Variants in ZNF577 observed in about 807,000 individuals in gnomAD.
The protein encoded by ZNF577 is zinc finger protein 577.
In ZNF577, 14 loss-of-function variants were observed where a neutral mutation model predicts 13.9. That is an observed-to-expected ratio of 1.00 (90% confidence interval 0.66 to 1.57). The LOEUF (loss-of-function observed/expected upper bound fraction) is 1.57. Ranked by LOEUF, ZNF577 falls within the 40% of genes most tolerant of loss-of-function variation. ZNF577 has a pLI of 0.00. For missense variants in ZNF577, 555 were observed against 579.2 expected (o/e 0.96, Z 0.43); for synonymous variants, 203 against 202.9 (o/e 1.00, Z 0.00).
At chr19:51,858,918 A>G (rs2084467285) in intron 5 of ZNF577, among the ~76,000 whole-genome samples, 1 of 152,222 alleles carries the variant, frequency 6.6e-6, no homozygotes, top group Non-Finnish European at 1.5e-5. Flanking sequence ...ATATTATGCA[A>G]CCACCATCTC....
intron 5 of ZNF577, among the ~76,000 whole-genome samples, chr19:51,875,148 G>A (rs888722609): frequency 6.6e-6 from 1 of 151,916 alleles, no homozygotes; most frequent in Non-Finnish European, 1.5e-5. Context: ...GTGGATGGGA[G>A]GAGTTCAAGA....
intron 10 of ZNF577, among the ~76,000 whole-genome samples, chr19:51,806,126 A>G (rs191525625): frequency 6.9e-4 from 105 of 152,336 alleles, no homozygotes; most frequent in Middle Eastern, 3.4e-3. Flanking sequence ...CAAATGTAAC[A>G]TTAAGACTGT....
Position 51,872,926 on chromosome 19 carries a change from G to A in ZNF577, c.1064C>T (p.Ser355Leu). The change falls in exon 6 of 6, where the codon TCA becomes TTA. Residue 355 changes from serine (S) to leucine (L), a missense_variant. By Grantham distance (145) the Ser-to-Leu change is moderately radical (BLOSUM62 -2). Transcript: ENST00000638348. ...AAAGGCTTTGCCACATTCTCTGCAT[G>A]AATATGGTCTCTCTCCAGTGTGAGT... ...QRTHTGERPY[S>L]CRECGKAFAH... The A allele has an allele frequency of 6.2e-7, 1 of 1,614,216 alleles. No individual in the cohort carries two copies. The highest frequency in any genetic ancestry group is 8.5e-7 in the Non-Finnish European group (1 of 1,180,040).
At chr19:51,875,523 T>C (rs1173778359) in intron 5 of ZNF577, among the ~76,000 whole-genome samples, 1 of 152,224 alleles carries the variant, frequency 6.6e-6, no homozygotes, top group African/African-American at 2.4e-5. Flanking sequence ...CTCATGTTAT[T>C]TGACATTATC....
chr19:51,851,143 G>C (rs7246230), intron 5 of ZNF577, among the ~76,000 whole-genome samples: 3,237 of 152,180 alleles, frequency 0.021, 107 homozygotes, highest in African/African-American at 0.074. Context: ...CAGAAATGAG[G>C]ATAAATATTT....
intron 1 of ZNF577, among the ~76,000 whole-genome samples, chr19:51,884,819 G>A (rs1048558632): frequency 2.0e-5 from 3 of 152,118 alleles, no homozygotes; most frequent in African/African-American, 7.2e-5. Context: ...TTTCCACTGT[G>A]ATTTTTTGAA....
At chr19:51,860,412 T>C (rs2122599589) in intron 5 of ZNF577, 1 of 152,558 alleles carries the variant, frequency 6.6e-6, no homozygotes, top group South Asian at 2.1e-4. Context: ...AGAATAGATA[T>C]GGCTCCATTA....
intron 1 of ZNF577, among the ~76,000 whole-genome samples, chr19:51,884,058 A>T (rs1189910033): frequency 6.6e-6 from 1 of 152,204 alleles, no homozygotes; most frequent in Non-Finnish European, 1.5e-5. Context: ...TCGGTGACAG[A>T]GTGAGAGTCC....
intron 5 of ZNF577, among the ~76,000 whole-genome samples, chr19:51,874,385 G>A (rs1452709747): frequency 1.3e-5 from 2 of 151,806 alleles, no homozygotes; most frequent in African/African-American, 4.8e-5. Context: ...CACATCATAG[G>A]GTAAGAAAAA....
intron 1 of ZNF577, chr19:51,885,969 T>G (rs1488743517): frequency 1.3e-5 from 2 of 152,228 alleles, no homozygotes; most frequent in Admixed American, 1.3e-4. Flanking sequence ...AGAAACGAGC[T>G]ACTGCTATAT....
rs1393692262 is a variant in ZNF577, at chr19:51,868,584, T to C, written c.*3948A>G. Among the ~76,000 whole-genome samples, 2 of 152,102 alleles carry C rather than the reference T, an allele frequency of 1.3e-5. No individual in the cohort carries two copies. Among genetic ancestry groups the C allele is most frequent in the Non-Finnish European group, 2.9e-5 (2 of 68,018 alleles). On this transcript the variant is annotated 3_prime_UTR_variant, in exon 6 of 6. Coordinates refer to ENST00000638348, the MANE Select transcript of ZNF577 (RefSeq NM_001370449.1). ...GCAGAACTGCCAGATGAGCTCAGAA[T>C]TAATATGCCCAAGGCCAATTCCCTC... is the stretch of plus-strand genomic sequence containing the variant.
chr19:51,823,116 A>G (rs763322445), intron 9 of ZNF577, among the ~76,000 whole-genome samples: 30 of 151,770 alleles, frequency 2.0e-4, no homozygotes, highest in Admixed American at 6.6e-4. Flanking sequence ...ACTCTCCTCA[A>G]CCTCCTAAAG....
At chr19:51,809,439 T>C (rs1229993174) in intron 10 of ZNF577, among the ~76,000 whole-genome samples, 1 of 152,222 alleles carries the variant, frequency 6.6e-6, no homozygotes, top group Non-Finnish European at 1.5e-5. Context: ...GGTAGGTCTA[T>C]TAGAGGCTAT....
intron 5 of ZNF577, chr19:51,860,491 TA>T (rs1156911894): frequency 2.0e-5 from 3 of 152,748 alleles, no homozygotes; most frequent in African/African-American, 4.8e-5. Context: ...ATAACTGAGT[TA>T]GGGGGCAATT....
intron 5 of ZNF577, among the ~76,000 whole-genome samples, chr19:51,856,346 TA>T (rs2084419560): frequency 6.6e-6 from 1 of 152,216 alleles, no homozygotes; most frequent in South Asian, 2.1e-4. Flanking sequence ...TGCACCAATT[TA>T]ATAATTGTGC....
rs2122632943 is a variant in ZNF577, at chr19:51,867,828, A to C, written c.*4704T>G. Among the ~76,000 whole-genome samples, 1 of 152,082 alleles carries C rather than the reference A, an allele frequency of 6.6e-6. No individual in the cohort carries two copies. The highest frequency in any genetic ancestry group is 2.4e-5 in the African/African-American group (1 of 41,498). On this transcript the variant is annotated 3_prime_UTR_variant, in exon 6 of 6. Transcript: ENST00000638348. The stretch of plus-strand genomic sequence containing the variant: ...AACAAGCAAACAAACAAAAAGAACA[A>C]AGCTAGGGTTGGAAAAAGCCCTCAG...
Position 51,845,816 on chromosome 19 carries a change from G to A in ZNF577, c.284-885C>T, listed in dbSNP as rs555028766. 3.9e-5 allele frequency among the ~76,000 whole-genome samples: 6 copies of A among 152,170 alleles called. No homozygotes were observed. In the South Asian group the frequency reaches 1.2e-3, roughly 32 times the overall value. On this transcript the variant is annotated intron_variant and NMD_transcript_variant, in intron 5 of 10. Coordinates refer to the ZNF577 transcript ENST00000638827. Reference sequence around the variant, plus strand: ...AAGTGACAGGATTTCCTTCTTTTTTGTGGCTCAAGAGTATTCCATTGTGTA... The same window carrying A: ...AAGTGACAGGATTTCCTTCTTTTTTATGGCTCAAGAGTATTCCATTGTGTA...
chr19:51,812,605 A>G (rs1226108164), intron 9 of ZNF577, among the ~76,000 whole-genome samples: 3 of 152,178 alleles, frequency 2.0e-5, no homozygotes, highest in Non-Finnish European at 4.4e-5. Context: ...ACACCTTTCC[A>G]GGCTACCTAG....
chr19:51,877,492 T>C (rs950514378), intron 4 of ZNF577, 115 bp from the exon 5 acceptor site: 2 of 813,142 alleles, frequency 2.5e-6, no homozygotes, highest in African/African-American at 1.7e-5. Flanking sequence ...CAAAACTCTT[T>C]CACTCAGGAA....
Sources: gnomAD v4.1 joint callset for allele counts (sites outside exome capture counted in the v4.1 genomes callset) on GRCh38, gnomAD v4.1.1 for gene constraint, MANE v1.5 for transcripts, NCBI Gene and HGNC (gene_info 2026-07-23, HGNC 2026-07-21) for gene names.